Variants in LIN7A observed in about 807,000 individuals in gnomAD.
LIN7A encodes the protein lin-7 cell polarity scaffold A.
A neutral mutation model predicts 29.8 loss-of-function variants in LIN7A; 25 were observed. The observed-to-expected ratio is 0.84, with a 90% CI of 0.61 to 1.17. LIN7A has a LOEUF of 1.17. LIN7A is among the 50% of genes most tolerant of loss of function. The probability of loss-of-function intolerance (pLI) is 0.00; values close to 1 mark genes in which losing one functional copy is unlikely to be tolerated. For synonymous variants in LIN7A, 118 were observed against 107.5 expected (o/e 1.10, Z -0.60); for missense variants, 239 against 287.0 (o/e 0.83, Z 1.21).
chr12:80,920,783 A>G (rs1326889062), intron 1 of LIN7A, among the ~76,000 whole-genome samples: 2 of 152,234 alleles, frequency 1.3e-5, no homozygotes, highest in South Asian at 2.1e-4. Context: ...ACTTGTTAGT[A>G]CATGAAAGAC....
intron 1 of LIN7A, among the ~76,000 whole-genome samples, chr12:80,917,271 G>A (rs1240018470): frequency 3.3e-5 from 5 of 152,120 alleles, no homozygotes; most frequent in Non-Finnish European, 7.4e-5. Flanking sequence ...AGAAACCATG[G>A]ACCCAATTCC....
chr12:80,846,530 A>C (rs138297150), intron 3 of LIN7A, among the ~76,000 whole-genome samples: 47 of 152,316 alleles, frequency 3.1e-4, no homozygotes, highest in Admixed American at 6.5e-4. Flanking sequence ...AGAGAATGAA[A>C]ACTAAAATAA....
chr12:80,881,349 C>T (rs916392281), intron 2 of LIN7A, among the ~76,000 whole-genome samples: 2 of 152,058 alleles, frequency 1.3e-5, no homozygotes, highest in Non-Finnish European at 1.5e-5. Flanking sequence ...CTGACATTTG[C>T]CAACTTAAGC....
chr12:80,912,879 A>G (rs1437024856), intron 1 of LIN7A, among the ~76,000 whole-genome samples: 9 of 152,228 alleles, frequency 5.9e-5, no homozygotes, highest in Non-Finnish European at 2.9e-5. Context: ...CTGCATAAGC[A>G]TTTTAGAAAT....
intron 2 of LIN7A, among the ~76,000 whole-genome samples, chr12:80,862,602 T>C (rs2120420268): frequency 6.6e-6 from 1 of 152,334 alleles, no homozygotes. Flanking sequence ...GAAGCTTATC[T>C]AACACGTATT....
chr12:80,813,726 G>C (rs576949818), intron 4 of LIN7A, among the ~76,000 whole-genome samples: 1 of 152,266 alleles, frequency 6.6e-6, no homozygotes, highest in East Asian at 1.9e-4. Context: ...AAAGAAGAAA[G>C]TTGTAATTAG....
intron 1 of LIN7A, among the ~76,000 whole-genome samples, chr12:80,928,114 A>G (rs1486688506): frequency 2.0e-5 from 3 of 152,028 alleles, no homozygotes; most frequent in African/African-American, 7.3e-5. Context: ...TCATTGATGG[A>G]CATTTGGGTT....
intron 2 of LIN7A, among the ~76,000 whole-genome samples, chr12:80,887,064 C>T (rs1875366567): frequency 6.6e-6 from 1 of 152,084 alleles, no homozygotes; most frequent in African/African-American, 2.4e-5. Context: ...CAAAACTAGT[C>T]CACCTTATTA....
At chr12:80,931,260 A>G (rs1592959913) in intron 1 of LIN7A, among the ~76,000 whole-genome samples, 1 of 152,084 alleles carries the variant, frequency 6.6e-6, no homozygotes, top group East Asian at 1.9e-4. Context: ...TGACACACCA[A>G]ACTAGAAAGG....
intron 2 of LIN7A, 127 bp downstream of exon 2, chr12:80,889,124 T>A (rs1022896718): frequency 1.5e-6 from 1 of 682,586 alleles, no homozygotes; most frequent in African/African-American, 1.8e-5. Context: ...TCTGTCCAAG[T>A]AGCTAAAAAC....
intron 1 of LIN7A, chr12:80,937,381 G>A: frequency 2.7e-6 from 1 of 375,098 alleles, no homozygotes; most frequent in African/African-American, 2.1e-5. Flanking sequence ...GAGGGGCTGG[G>A]AGTGGCAGCG....
At position 80,820,438 on chromosome 12, in the gene LIN7A, C is replaced by T. The variant is rs1283983141; in HGVS notation, c.484-8755G>A. ...AAAAGCTTTAGAAAAAGATCAGTGCCTTCTAGCAATCAGATATTCACAAAT... is the reference window on the plus strand; with the variant it reads ...AAAAGCTTTAGAAAAAGATCAGTGCTTTCTAGCAATCAGATATTCACAAAT... On this transcript the variant is annotated intron_variant, in intron 4 of 5. Transcript: ENST00000552864. Among the ~76,000 whole-genome samples the T allele has an allele frequency of 2.0e-5, 3 of 152,142 alleles. No individual in the cohort carries two copies. The South Asian group carries it at 6.2e-4, about 31-fold the overall frequency.
intron 1 of LIN7A, among the ~76,000 whole-genome samples, chr12:80,902,821 ACTT>A (rs1156322750): frequency 6.6e-6 from 1 of 151,800 alleles, no homozygotes; most frequent in Non-Finnish European, 1.5e-5. Context: ...ATATAGTTTG[ACTT>A]CTTCTTTTAC....
chr12:80,894,817 A>T (rs1875801608), intron 1 of LIN7A, among the ~76,000 whole-genome samples: 1 of 152,196 alleles, frequency 6.6e-6, no homozygotes, highest in Admixed American at 6.5e-5. Flanking sequence ...TACTTAGATC[A>T]CCATGTAAAA....
intron 4 of LIN7A, chr12:80,842,221 A>C: frequency 1.1e-6 from 1 of 880,888 alleles, no homozygotes; most frequent in Non-Finnish European, 1.5e-6. Context: ...TTATAACCTA[A>C]CATTCCATGT....
At chr12:80,913,315 T>C (rs1043403622) in intron 1 of LIN7A, among the ~76,000 whole-genome samples, 16 of 152,242 alleles carry the variant, frequency 1.1e-4, no homozygotes, top group African/African-American at 3.9e-4. Context: ...AGGTTTTGTT[T>C]CTGGTGATGA....
rs753563774 is a variant in LIN7A at position 80,937,715 on chromosome 12, T to C, written c.8A>G (p.Lys3Arg). 32 of 1,529,054 alleles carry C rather than the reference T, an allele frequency of 2.1e-5. No homozygotes were observed. Among genetic ancestry groups the C allele is most frequent in the Middle Eastern group, 3.5e-4 (2 of 5,718 alleles). The allele number at this position is 1,529,054 out of a possible 1,614,324, so 94.7% of individuals were successfully genotyped here. A position where few individuals can be genotyped will look rare whatever the true frequency, so the allele number is the denominator to read the frequency against. The change falls in exon 1 of 6, where the codon AAG becomes AGG. Residue 3 changes from lysine to arginine, a missense_variant. Lys to Arg is a conservative substitution (Grantham distance 26, BLOSUM62 2). Coordinates refer to ENST00000552864, the MANE Select transcript of LIN7A (RefSeq NM_004664.4). MLKPSVTSAPTAD... is the reference protein window; with the variant it reads MLRPSVTSAPTAD... ...CGTGGGAGCCGAAGTGACGCTCGGCTTCAGCATCAGCAACCGCTCGTAGTG... is the reference window on the plus strand; with the variant it reads ...CGTGGGAGCCGAAGTGACGCTCGGCCTCAGCATCAGCAACCGCTCGTAGTG...
intron 1 of LIN7A, among the ~76,000 whole-genome samples, chr12:80,935,131 T>C (rs892032811): frequency 6.6e-6 from 1 of 152,202 alleles, no homozygotes; most frequent in African/African-American, 2.4e-5. Flanking sequence ...ACATTATTTT[T>C]TTATTGTACT....
chr12:80,843,177 G>T (rs993090738), intron 4 of LIN7A, among the ~76,000 whole-genome samples: 2 of 152,120 alleles, frequency 1.3e-5, no homozygotes, highest in Non-Finnish European at 2.9e-5. Context: ...ATATATGTGG[G>T]ATATTACAAT....
Sources: gnomAD v4.1 joint callset for allele counts (sites outside exome capture counted in the v4.1 genomes callset) on GRCh38, gnomAD v4.1.1 for gene constraint, MANE v1.5 for transcripts, NCBI Gene and HGNC (gene_info 2026-07-23, HGNC 2026-07-21) for gene names.